RASAL2: variants seen among roughly 807,000 people sequenced by gnomAD.
The protein encoded by RASAL2 is ras GTPase-activating protein nGAP.
In RASAL2, 58 loss-of-function variants were observed where a neutral mutation model predicts 128.9. That is an observed-to-expected ratio of 0.45 (90% CI 0.36 to 0.56). The LOEUF (loss-of-function observed/expected upper bound fraction) is 0.56. Ranked by LOEUF, RASAL2 falls within the 20% of genes least tolerant of loss-of-function variation. The pLI, the probability that RASAL2 is intolerant of heterozygous loss-of-function variation, is 0.00. For missense variants in RASAL2, 1,360 were observed against 1,601.6 expected (o/e 0.85, Z 2.57); for synonymous variants, 561 against 580.8 (o/e 0.97, Z 0.49).
At chr1:178,117,878 T>A (rs1218169765) in intron 1 of RASAL2, among the ~76,000 whole-genome samples, 1 of 152,032 alleles carries the variant, frequency 6.6e-6, no homozygotes, top group Non-Finnish European at 1.5e-5. Flanking sequence ...TATAATAATA[T>A]TCTTGGCCAG....
intron 1 of RASAL2, among the ~76,000 whole-genome samples, chr1:178,282,238 G>A (rs1267342183): frequency 2.0e-5 from 3 of 152,072 alleles, no homozygotes; most frequent in Admixed American, 6.6e-5. Flanking sequence ...ATCTTTGGGG[G>A]GAGTTGATAA....
At chr1:178,247,234 C>T (rs1332760505) in intron 1 of RASAL2, among the ~76,000 whole-genome samples, 1 of 152,130 alleles carries the variant, frequency 6.6e-6, no homozygotes, top group Non-Finnish European at 1.5e-5. Flanking sequence ...ATTACTGCCT[C>T]AGTTTCAGAA....
At chr1:178,349,482 G>A (rs985535742) in intron 3 of RASAL2, among the ~76,000 whole-genome samples, 4 of 151,948 alleles carry the variant, frequency 2.6e-5, no homozygotes, top group Non-Finnish European at 5.9e-5. Flanking sequence ...TACATTTGGG[G>A]TCATTGAATA....
intron 4 of RASAL2, among the ~76,000 whole-genome samples, chr1:178,416,199 C>T (rs1443834959): frequency 6.6e-6 from 1 of 152,034 alleles, no homozygotes; most frequent in African/African-American, 2.4e-5. Context: ...TCCATTTTCT[C>T]TCCTTTCTTA....
intron 1 of RASAL2, among the ~76,000 whole-genome samples, chr1:178,124,665 C>A (rs1190832444): frequency 6.6e-6 from 1 of 152,056 alleles, no homozygotes; most frequent in Non-Finnish European, 1.5e-5. Flanking sequence ...TTTCTTTCAA[C>A]AGCTTTAGTA....
chr1:178,452,937 T>C (rs1677488157), intron 11 of RASAL2, among the ~76,000 whole-genome samples: 1 of 152,036 alleles, frequency 6.6e-6, no homozygotes, highest in Non-Finnish European at 1.5e-5. Context: ...AAAGTGCTGA[T>C]AAAAATACTT....
chr1:178,457,893 G>A lies in RASAL2; in HGVS notation c.2601G>A (p.Met867Ile). 1 of 1,614,178 alleles carries A rather than the reference G, an allele frequency of 6.2e-7. No individual in the cohort carries two copies. Among genetic ancestry groups the A allele is most frequent in the Non-Finnish European group, 8.5e-7 (1 of 1,180,028 alleles). ...CTCAAGTGGAGCATGCATCTGTCAT[G>A]CTTGATGTGCCTATACGCTTGACCG... ...HAAQVEHASV[M>I]LDVPIRLTGS... Residue 867 changes from methionine (M) to isoleucine (I), a missense_variant, in exon 14 of 18, where the codon ATG becomes ATA. Physicochemically the swap from Met to Ile is conservative, Grantham distance 10. Transcript: ENST00000367649.
intron 1 of RASAL2, among the ~76,000 whole-genome samples, chr1:178,191,350 GA>G (rs151175241): frequency 1.2e-4 from 18 of 146,562 alleles, no homozygotes; most frequent in East Asian, 8.0e-4. Flanking sequence ...ATAGATAAAT[GA>G]AAAAAAAACA....
chr1:178,178,855 G>A (rs1258769327), intron 1 of RASAL2, among the ~76,000 whole-genome samples: 3 of 152,064 alleles, frequency 2.0e-5, no homozygotes, highest in Non-Finnish European at 4.4e-5. Context: ...AAAGGACCCG[G>A]CACCTCTACT....
intron 3 of RASAL2, among the ~76,000 whole-genome samples, chr1:178,313,602 C>A (rs1318743214): frequency 6.6e-6 from 1 of 151,990 alleles, no homozygotes; most frequent in African/African-American, 2.4e-5. Context: ...GCAATCCTCC[C>A]ACCTCAGCCT....
intron 1 of RASAL2, among the ~76,000 whole-genome samples, chr1:178,226,679 G>A (rs1203974952): frequency 6.6e-6 from 1 of 152,176 alleles, no homozygotes; most frequent in African/African-American, 2.4e-5. Flanking sequence ...GGACACGGTG[G>A]CTCACACCTG....
At chr1:178,317,149 A>G (rs1364014535) in intron 3 of RASAL2, among the ~76,000 whole-genome samples, 3 of 129,476 alleles carry the variant, frequency 2.3e-5, no homozygotes, top group Non-Finnish European at 4.6e-5. Context: ...AGCCCACTTG[A>G]TCATGGTGGA....
intron 1 of RASAL2, among the ~76,000 whole-genome samples, chr1:178,250,662 G>A (rs947011756): frequency 7.9e-5 from 12 of 152,166 alleles, no homozygotes; most frequent in African/African-American, 2.9e-4. Context: ...GTCTCGCTGG[G>A]AGCTGCATAC....
At chr1:178,367,924 C>T (rs1432950910) in intron 3 of RASAL2, among the ~76,000 whole-genome samples, 1 of 152,130 alleles carries the variant, frequency 6.6e-6, no homozygotes, top group Non-Finnish European at 1.5e-5. Flanking sequence ...ACAGTGTTGA[C>T]ATAAATCAGG....
chr1:178,352,284 A>T (rs539605686), intron 3 of RASAL2, among the ~76,000 whole-genome samples: 2 of 152,352 alleles, frequency 1.3e-5, no homozygotes, highest in South Asian at 4.1e-4. Flanking sequence ...TAAAAATGAG[A>T]TGTTTTGTGG....
intron 1 of RASAL2, among the ~76,000 whole-genome samples, chr1:178,199,939 T>C (rs2101964702): frequency 6.6e-6 from 1 of 152,292 alleles, no homozygotes; most frequent in Non-Finnish European, 1.5e-5. Flanking sequence ...TAGACTGGCT[T>C]AGCCTCCCGG....
intron 3 of RASAL2, among the ~76,000 whole-genome samples, chr1:178,303,554 A>G (rs937175123): frequency 6.6e-6 from 1 of 151,878 alleles, no homozygotes; most frequent in Non-Finnish European, 1.5e-5. Context: ...CCTGGGCTGC[A>G]TGCAGCCCAT....
chr1:178,208,412 G>C (rs971989368), intron 1 of RASAL2, among the ~76,000 whole-genome samples: 3 of 152,148 alleles, frequency 2.0e-5, no homozygotes, highest in African/African-American at 7.2e-5. Context: ...GTCTTATGCA[G>C]TTGAGATAAG....
chr1:178,130,498 T>C (rs1235070764), intron 1 of RASAL2, among the ~76,000 whole-genome samples: 1 of 152,212 alleles, frequency 6.6e-6, no homozygotes, highest in Non-Finnish European at 1.5e-5. Context: ...ATTTATTCTT[T>C]TACTTATTAT....
Sources: allele counts gnomAD v4.1 joint callset (sites outside exome capture counted in the v4.1 genomes callset), GRCh38; gene constraint gnomAD v4.1.1; transcripts MANE v1.5; gene names NCBI Gene and HGNC (gene_info 2026-07-23, HGNC 2026-07-21).